PRR27: variants seen among roughly 807,000 people sequenced by gnomAD.
PRR27 encodes the protein proline-rich protein 27.
Under a neutral mutation model 16.8 loss-of-function variants are expected in PRR27, and 12 were observed. The observed-to-expected ratio is 0.71, with a 90% CI of 0.46 to 1.16. The LOEUF (loss-of-function observed/expected upper bound fraction) is 1.16. Ranked by LOEUF, PRR27 falls within the 50% of genes most tolerant of loss-of-function variation. PRR27 has a pLI of 0.00. For missense variants in PRR27, 277 were observed against 273.3 expected (o/e 1.01, Z -0.10); for synonymous variants, 100 against 98.4 (o/e 1.02, Z -0.10).
At position 70,154,328 on chromosome 4, in the gene PRR27, T is replaced by A. The variant is rs767928874; in HGVS notation, c.-48T>A. 14 of 1,431,630 alleles carry A rather than the reference T, an allele frequency of 9.8e-6. No individual in the cohort carries two copies. Among genetic ancestry groups the A allele is most frequent in the Non-Finnish European group, 5.9e-6 (6 of 1,022,714 alleles). The allele number at this position is 1,431,630 out of a possible 1,614,324, so 88.7% of individuals were successfully genotyped here. On this transcript the variant is annotated 5_prime_UTR_variant, in exon 1 of 5. Transcript: ENST00000344526. The stretch of plus-strand genomic sequence containing the variant: ...ATAATTTAAAAATACATTGCGTATT[T>A]TCTAAAACAATAAATTTATAGTGTT...
At chr4:70,159,391 G>C (rs991957179) in intron 3 of PRR27, among the ~76,000 whole-genome samples, 27 of 152,096 alleles carry the variant, frequency 1.8e-4, no homozygotes, top group African/African-American at 6.0e-4. Context: ...CCATTCATCT[G>C]TTGAACAGAT....
Position 70,156,740 on chromosome 4 carries a change from C to A in PRR27, c.75+663C>A, listed in dbSNP as rs368140922. 4.3e-4 allele frequency among the ~76,000 whole-genome samples: 65 copies of A among 152,198 alleles called. 2 individuals are homozygous for A. The South Asian group carries it at 0.012, about 27-fold the overall frequency. Reference sequence around the variant, plus strand: ...GCCATAAATCAACATGACACTCTAGCAAAGAAAGCTCAAGAGACATAATCT... The same window carrying A: ...GCCATAAATCAACATGACACTCTAGAAAAGAAAGCTCAAGAGACATAATCT... On this transcript the variant is annotated intron_variant, in intron 2 of 4. Transcript: ENST00000344526.
intron 2 of PRR27, among the ~76,000 whole-genome samples, chr4:70,157,850 G>A (rs1728525390): frequency 6.6e-6 from 1 of 152,158 alleles, no homozygotes; most frequent in Admixed American, 6.5e-5. Flanking sequence ...ATAAAGAGAG[G>A]TAGGAAGTTG....
At chr4:70,159,287 C>G (rs1728581165) in intron 3 of PRR27, among the ~76,000 whole-genome samples, 1 of 152,156 alleles carries the variant, frequency 6.6e-6, no homozygotes, top group South Asian at 2.1e-4. Flanking sequence ...ACATCATTCA[C>G]TTTTAGAGAT....
In PRR27 at chr4:70,160,443, C is replaced by CTCTCTCTCTCTGTGTGTGTGTGTGTG. The variant is rs1298386504; in HGVS notation, c.649-1142_649-1141insCTCTCTCTCTGTGTGTGTGTGTGTGT. The stretch of plus-strand genomic sequence containing the variant: ...TCTCTCTCTCTCTCTCTCTCTCTCT[C>CTCTCTCTCTCTGTGTGTGTGTGTGTG]TGTGTGTGTGTGTGTGTGTGTGTGT... On this transcript the variant is annotated intron_variant, in intron 3 of 4. Transcript: ENST00000344526. Among the ~76,000 whole-genome samples the CTCTCTCTCTCTGTGTGTGTGTGTGTG allele has an allele frequency of 3.2e-3, 221 of 68,674 alleles. 1 individual carries two copies. The highest frequency in any genetic ancestry group is 6.1e-3 in the East Asian group (11 of 1,804). 45.1% of individuals were successfully genotyped at this position (68,674 alleles called of 152,430 possible). A position where few individuals can be genotyped will look rare whatever the true frequency, so the allele number is the denominator to read the frequency against.
At chr4:70,160,443 C>CTCTCTCTCTG (rs1298386504) in intron 3 of PRR27, among the ~76,000 whole-genome samples, 13 of 68,702 alleles carry the variant, frequency 1.9e-4, no homozygotes, top group African/African-American at 5.4e-4. Flanking sequence ...CTCTCTCTCT[C>CTCTCTCTCTG]TGTGTGTGTG....
At chr4:70,162,071 C>G (rs1178530880) in intron 4 of PRR27, among the ~76,000 whole-genome samples, 1 of 152,148 alleles carries the variant, frequency 6.6e-6, no homozygotes, top group Non-Finnish European at 1.5e-5. Context: ...CCTGAAGTCT[C>G]CCTGTCCCTA....
chr4:70,155,510 A>C (rs898593743), intron 1 of PRR27, among the ~76,000 whole-genome samples: 3 of 151,948 alleles, frequency 2.0e-5, no homozygotes, highest in Non-Finnish European at 4.4e-5. Context: ...CTGGGACTAC[A>C]GGCGCCCGCC....
rs1469701820 is a variant in PRR27 at position 70,163,419 on chromosome 4, T to C, written c.*758T>C. ...ACTTCCACCTCCCGGGTTCAAGTGA[T>C]TCTCCTGCCTCAGCCTCCTGAGTAG... is the stretch of plus-strand genomic sequence containing the variant. On this transcript the variant is annotated 3_prime_UTR_variant, in exon 5 of 5. Transcript: ENST00000344526. 2.0e-5 allele frequency: 3 copies of C among 151,734 alleles called. No homozygotes were observed. The highest frequency in any genetic ancestry group is 7.3e-5 in the African/African-American group (3 of 41,200). The allele number at this position is 151,734 out of a possible 1,614,324, so 9.4% of individuals were successfully genotyped here.
In PRR27 at chr4:70,162,830, A is replaced by C. The variant is rs1249703783; in HGVS notation, c.*169A>C. 1 of 152,162 alleles carries C rather than the reference A, an allele frequency of 6.6e-6. No individual in the cohort carries two copies. The allele number at this position is 152,162 out of a possible 1,614,324, so 9.4% of individuals were successfully genotyped here. On this transcript the variant is annotated 3_prime_UTR_variant, in exon 5 of 5. Coordinates refer to ENST00000344526, the MANE Select transcript of PRR27 (RefSeq NM_214711.4). Reference sequence around the variant, plus strand: ...TAGTTTTTCCTTGGACTTAATTTATATTGAAAAAACATTGATAATTAAATA... The same window carrying C: ...TAGTTTTTCCTTGGACTTAATTTATCTTGAAAAAACATTGATAATTAAATA...
chr4:70,159,295 G>A (rs1041434152), intron 3 of PRR27, among the ~76,000 whole-genome samples: 1 of 152,112 alleles, frequency 6.6e-6, no homozygotes, highest in Non-Finnish European at 1.5e-5. Flanking sequence ...CACTTTTAGA[G>A]ATTTATCCAT....
intron 3 of PRR27, 121 bp from the exon 4 acceptor site, chr4:70,161,465 A>T (rs1728648037): frequency 1.7e-6 from 1 of 572,100 alleles, no homozygotes; most frequent in Non-Finnish European, 3.1e-6. Flanking sequence ...CATGTTAAGA[A>T]GAGATCAGCA....
At chr4:70,156,660 T>C (rs575573521) in intron 2 of PRR27, among the ~76,000 whole-genome samples, 1 of 152,292 alleles carries the variant, frequency 6.6e-6, no homozygotes, top group East Asian at 1.9e-4. Context: ...TGTGCCTCAA[T>C]TTCTGGCAAC....
chr4:70,162,611 TAAATC>T (rs1398213756), intron 4 of PRR27, 79 bp from the exon 5 acceptor site: 2 of 152,180 alleles, frequency 1.3e-5, no homozygotes, highest in Non-Finnish European at 2.9e-5. Context: ...ATTAAAATCA[TAAATC>T]AAGAAAAATA....
chr4:70,154,304 T>C lies in PRR27; in HGVS notation c.-72T>C, dbSNP rs1227583004. On this transcript the variant is annotated 5_prime_UTR_variant, in exon 1 of 5. Transcript: ENST00000344526. ...GTTTCTCTCTAAAAGAAGAAAAATA[T>C]AATTTAAAAATACATTGCGTATTTT... 7.9e-7 allele frequency: 1 copy of C among 1,261,616 alleles called. No homozygotes were observed. Among genetic ancestry groups the C allele is most frequent in the Non-Finnish European group, 1.1e-6 (1 of 882,018 alleles). 78.2% of individuals were successfully genotyped at this position (1,261,616 alleles called of 1,614,324 possible). A position where few individuals can be genotyped will look rare whatever the true frequency, so the allele number is the denominator to read the frequency against.
At chr4:70,159,892 T>G (rs985765670) in intron 3 of PRR27, among the ~76,000 whole-genome samples, 10 of 152,150 alleles carry the variant, frequency 6.6e-5, no homozygotes, top group African/African-American at 2.4e-4. Context: ...ATCAAGAACT[T>G]TTTCCTGCCC....
At chr4:70,160,443 C>CTCTCTG (rs1298386504) in intron 3 of PRR27, among the ~76,000 whole-genome samples, 10 of 68,676 alleles carry the variant, frequency 1.5e-4, no homozygotes, top group African/African-American at 2.5e-4. Context: ...CTCTCTCTCT[C>CTCTCTG]TGTGTGTGTG....
At chr4:70,156,488 ATATT>A (rs1395085653) in intron 2 of PRR27, among the ~76,000 whole-genome samples, 1 of 152,186 alleles carries the variant, frequency 6.6e-6, no homozygotes, top group Non-Finnish European at 1.5e-5. Context: ...GGCCAGCCAT[ATATT>A]CAGGTGTGTG....
chr4:70,161,202 GTATACATA>G (rs1395857691), intron 3 of PRR27, among the ~76,000 whole-genome samples: 1 of 26,268 alleles, frequency 3.8e-5, no homozygotes, highest in Admixed American at 4.2e-4. Flanking sequence ...ATATATACAC[GTATACATA>G]TATATATATA....
Sources: gnomAD v4.1 joint callset for allele counts (sites outside exome capture counted in the v4.1 genomes callset) on GRCh38, gnomAD v4.1.1 for gene constraint, MANE v1.5 for transcripts, NCBI Gene and HGNC (gene_info 2026-07-23, HGNC 2026-07-21) for gene names.